The following CCDC122 variants were observed in gnomAD, a reference collection of about 807,000 sequenced individuals.
CCDC122 encodes coiled-coil domain containing 122.
In CCDC122, 38 loss-of-function variants were observed where a neutral mutation model predicts 37.0. That is an observed-to-expected ratio of 1.03 (90% CI 0.79 to 1.35). The LOEUF (loss-of-function observed/expected upper bound fraction) is 1.35. CCDC122 is among the 40% of genes most tolerant of loss of function. The probability of loss-of-function intolerance (pLI) is 0.00; values close to 1 mark genes in which losing one functional copy is unlikely to be tolerated. For missense variants in CCDC122, 305 were observed against 310.0 expected (o/e 0.98, Z 0.12); for synonymous variants, 83 against 95.6 (o/e 0.87, Z 0.77).
chr13:43,848,832 CA>C, intron 6 of CCDC122: 1 of 936,854 alleles, frequency 1.1e-6, no homozygotes, highest in Non-Finnish European at 1.3e-6. Flanking sequence ...GTAGTCCAGG[CA>C]AAAGATGATT....
At chr13:43,836,222 G>A (rs1953156478), downstream of CCDC122, 2 of 152,158 alleles carry the variant, frequency 1.3e-5, no homozygotes, top group South Asian at 4.1e-4. Context: ...TATCTTGAAA[G>A]GGACAAGTTA....
chr13:43,823,859 C>G (rs1343700666), downstream of CCDC122: 1 of 152,266 alleles, frequency 6.6e-6, no homozygotes, highest in Non-Finnish European at 1.5e-5. Context: ...TCTCTTCTAG[C>G]CTCTTTCAGA....
intron 3 of CCDC122, among the ~76,000 whole-genome samples, chr13:43,827,647 G>C (rs1953051582): frequency 6.6e-6 from 1 of 152,176 alleles, no homozygotes; most frequent in African/African-American, 2.4e-5. Flanking sequence ...GTATTCTAGG[G>C]ATGTACACCC....
intron 6 of CCDC122, among the ~76,000 whole-genome samples, chr13:43,838,094 C>T (rs1953224166): frequency 6.6e-6 from 1 of 152,160 alleles, no homozygotes; most frequent in Admixed American, 6.5e-5. Flanking sequence ...GTTGCCTGCC[C>T]ACTTTGTGAA....
Position 43,849,059 on chromosome 13 carries a change from T to A in CCDC122, c.672+9722A>T, listed in dbSNP as rs986588735. The A allele has an allele frequency of 3.3e-6, 3 of 919,998 alleles. No individual in the cohort carries two copies. The African/African-American group carries it at 5.4e-5, about 16-fold the overall frequency. The allele number at this position is 919,998 out of a possible 1,614,324, so 57.0% of individuals were successfully genotyped here. A position where few individuals can be genotyped will look rare whatever the true frequency, so the allele number is the denominator to read the frequency against. Reference sequence around the variant, plus strand: ...ACGTTTTAAGAAAATGGTCTGACTATATTGGTCCTTCAGCTTCATAATTTG... The same window carrying A: ...ACGTTTTAAGAAAATGGTCTGACTAAATTGGTCCTTCAGCTTCATAATTTG... On this transcript the variant is annotated intron_variant, in intron 6 of 6. Coordinates refer to ENST00000444614, the MANE Select transcript of CCDC122 (RefSeq NM_144974.5).
At chr13:43,853,682 A>C (rs1566946675) in intron 6 of CCDC122, among the ~76,000 whole-genome samples, 1 of 152,240 alleles carries the variant, frequency 6.6e-6, no homozygotes, top group Non-Finnish European at 1.5e-5. Context: ...AAACAGCAGA[A>C]TATACATTAT....
At chr13:43,873,497 G>A (rs1954511273) in intron 2 of CCDC122, among the ~76,000 whole-genome samples, 1 of 152,108 alleles carries the variant, frequency 6.6e-6, no homozygotes. Flanking sequence ...TCTCTACAAG[G>A]ATATAGAGCC....
At chr13:43,839,816 CAAATT>C (rs1953283324) in intron 6 of CCDC122, among the ~76,000 whole-genome samples, 1 of 152,106 alleles carries the variant, frequency 6.6e-6, no homozygotes. Flanking sequence ...AAACTTCAGC[CAAATT>C]AAATTTAAAG....
chr13:43,843,059 T>A (rs151051955), intron 6 of CCDC122, among the ~76,000 whole-genome samples: 1 of 152,076 alleles, frequency 6.6e-6, no homozygotes, highest in Non-Finnish European at 1.5e-5. Context: ...TAATGATGCA[T>A]AAAGAAGGTG....
downstream of CCDC122, among the ~76,000 whole-genome samples, chr13:43,822,295 C>G (rs9533632): frequency 0.2 from 30,255 of 152,200 alleles, 3,269 homozygotes; most frequent in East Asian, 0.38. Flanking sequence ...CTCACTTTCC[C>G]GCAAATGGAG....
chr13:43,826,367 C>G (rs556329408), intron 3 of CCDC122, among the ~76,000 whole-genome samples: 1 of 152,288 alleles, frequency 6.6e-6, no homozygotes, highest in East Asian at 1.9e-4. Flanking sequence ...CACACACTAT[C>G]TCTTTGATAT....
intron 6 of CCDC122, among the ~76,000 whole-genome samples, chr13:43,839,462 A>G (rs920576929): frequency 6.6e-6 from 1 of 152,238 alleles, no homozygotes; most frequent in Admixed American, 6.5e-5. Context: ...ACATTATATG[A>G]TATACCACAT....
At chr13:43,868,066 C>T (rs1954332760) in intron 4 of CCDC122, among the ~76,000 whole-genome samples, 1 of 140,446 alleles carries the variant, frequency 7.1e-6, no homozygotes, top group Admixed American at 7.2e-5. Context: ...ATTCACGGAA[C>T]AAAAAGTAGT....
At chr13:43,862,851 T>C (rs749874037) in intron 4 of CCDC122, among the ~76,000 whole-genome samples, 11 of 152,156 alleles carry the variant, frequency 7.2e-5, no homozygotes, top group Non-Finnish European at 1.5e-5. Context: ...AATTGACTAT[T>C]AATTTTTCTT....
At chr13:43,863,043 A>G (rs1436157178) in intron 4 of CCDC122, among the ~76,000 whole-genome samples, 1 of 152,078 alleles carries the variant, frequency 6.6e-6, no homozygotes, top group East Asian at 1.9e-4. Flanking sequence ...CAAAATTAAT[A>G]TAAATACATA....
intron 4 of CCDC122, among the ~76,000 whole-genome samples, chr13:43,867,147 A>G (rs1182686925): frequency 2.0e-5 from 3 of 152,170 alleles, no homozygotes; most frequent in Non-Finnish European, 4.4e-5. Flanking sequence ...CTGGATTATA[A>G]TAAGTGCTTT....
chr13:43,843,302 T>G (rs2153870749), intron 6 of CCDC122, among the ~76,000 whole-genome samples: 1 of 152,198 alleles, frequency 6.6e-6, no homozygotes, highest in East Asian at 1.9e-4. Context: ...TTTCTGAAAC[T>G]ATGAAGTTGG....
chr13:43,869,587 A>G (rs17065161), intron 2 of CCDC122, 98 bp from the exon 3 acceptor site: 11 of 493,762 alleles, frequency 2.2e-5, no homozygotes, highest in Admixed American at 4.3e-5. Context: ...GTGATTTTGG[A>G]ATGAAAGTAG....
At chr13:43,823,324 A>T (rs1210941113), downstream of CCDC122, among the ~76,000 whole-genome samples, 1 of 152,032 alleles carries the variant, frequency 6.6e-6, no homozygotes, top group East Asian at 1.9e-4. Flanking sequence ...GATTCAAGAC[A>T]ACGTCCTCTT....
Sources: allele counts gnomAD v4.1 joint callset (sites outside exome capture counted in the v4.1 genomes callset), GRCh38; gene constraint gnomAD v4.1.1; transcripts MANE v1.5; gene names NCBI Gene and HGNC (gene_info 2026-07-23, HGNC 2026-07-21).